Variants in GALNT2 observed in about 807,000 individuals in gnomAD.
GALNT2 encodes the protein UDP-GalNAc:polypeptide N-acetylgalactosaminyltransferase 2.
GALNT2 carries 31 observed loss-of-function variants against 81.4 expected under a neutral mutation model. That is an observed-to-expected ratio of 0.38 (90% CI 0.29 to 0.51). The LOEUF (loss-of-function observed/expected upper bound fraction) is 0.51. Among genes scored for constraint, GALNT2 ranks in the 20% least tolerant of loss-of-function variants. The pLI, the probability that GALNT2 is intolerant of heterozygous loss-of-function variation, is 0.87. For missense variants in GALNT2, 629 were observed against 765.7 expected, an observed-to-expected ratio of 0.82 and a Z score of 2.11; for synonymous variants, 303 against 287.4, an observed-to-expected ratio of 1.05 and a Z score of -0.55.
At chr1:230,267,828 T>A (rs947652609) in intron 14 of GALNT2, among the ~76,000 whole-genome samples, 3 of 152,138 alleles carry the variant, frequency 2.0e-5, no homozygotes, top group African/African-American at 7.2e-5. Context: ...TCCTTGTAGC[T>A]CCTCCATCCA....
intron 2 of GALNT2, among the ~76,000 whole-genome samples, chr1:230,201,820 T>TG (rs1476052297): frequency 6.6e-6 from 1 of 152,152 alleles, no homozygotes; most frequent in Non-Finnish European, 1.5e-5. Flanking sequence ...CCCGGAGAGT[T>TG]GCATGCCCAC....
chr1:230,117,448 TA>T (rs1309578143), intron 1 of GALNT2, among the ~76,000 whole-genome samples: 2 of 152,246 alleles, frequency 1.3e-5, no homozygotes, highest in Admixed American at 1.3e-4. Context: ...GCTTAATCAT[TA>T]TCAGCTTTTG....
chr1:230,199,024 G>A (rs376771389), intron 2 of GALNT2, among the ~76,000 whole-genome samples: 16 of 151,812 alleles, frequency 1.1e-4, no homozygotes, highest in Admixed American at 6.6e-4. Context: ...AGTATTTTCC[G>A]TCAGCTGCTT....
intron 2 of GALNT2, among the ~76,000 whole-genome samples, chr1:230,183,821 T>C (rs1663233068): frequency 1.3e-5 from 2 of 151,884 alleles, no homozygotes; most frequent in Admixed American, 1.3e-4. Context: ...CTACAAAAAA[T>C]ACAAAAATTA....
intron 6 of GALNT2, among the ~76,000 whole-genome samples, chr1:230,242,157 A>G (rs991972574): frequency 3.3e-5 from 5 of 152,182 alleles, no homozygotes; most frequent in Non-Finnish European, 7.3e-5. Flanking sequence ...CCGTATAAAC[A>G]CGGAGCTTAC....
At chr1:230,145,681 G>A (rs1276574255) in intron 1 of GALNT2, among the ~76,000 whole-genome samples, 2 of 152,236 alleles carry the variant, frequency 1.3e-5, no homozygotes, top group African/African-American at 4.8e-5. Context: ...TGGGGGCCTT[G>A]CCCCGTGTGG....
intron 1 of GALNT2, among the ~76,000 whole-genome samples, chr1:230,154,054 G>A (rs1662171517): frequency 6.6e-6 from 1 of 152,222 alleles, no homozygotes; most frequent in African/African-American, 2.4e-5. Flanking sequence ...TGTCAGATTA[G>A]CTTCTTGGGG....
chr1:230,253,341 T>C (rs1231336197), intron 10 of GALNT2, among the ~76,000 whole-genome samples: 1 of 152,182 alleles, frequency 6.6e-6, no homozygotes, highest in African/African-American at 2.4e-5. Flanking sequence ...TAGAAACTCA[T>C]GGTGTTCTGA....
chr1:230,213,683 AG>A lies in GALNT2; in HGVS notation c.374+10394del, dbSNP rs1216605347. On this transcript the variant is annotated intron_variant, in intron 3 of 15. Coordinates refer to ENST00000366672, the MANE Select transcript of GALNT2 (RefSeq NM_004481.5). Reference sequence around the variant, plus strand: ...AACATCTCACTGGTTGTGTTCTCTTAGTTCCACCTGCTTTGTGTTTCTTTTT... The same window carrying A: ...AACATCTCACTGGTTGTGTTCTCTTATTCCACCTGCTTTGTGTTTCTTTTT... 5.9e-5 allele frequency among the ~76,000 whole-genome samples: 9 copies of A among 152,334 alleles called. No homozygotes were observed. In the East Asian group the frequency reaches 7.7e-4, roughly 13 times the overall value.
rs187936132 is a variant in GALNT2 at position 230,076,416 on chromosome 1, G to A, written c.126+9010G>A. Among the ~76,000 whole-genome samples the A allele has an allele frequency of 2.1e-4, 32 of 152,262 alleles. No individual in the cohort carries two copies. In the East Asian group the frequency reaches 3.3e-3, roughly 16 times the overall value. On this transcript the variant is annotated intron_variant, in intron 1 of 15. Coordinates refer to ENST00000366672, the MANE Select transcript of GALNT2 (RefSeq NM_004481.5). Reference sequence around the variant, plus strand: ...GCACCTTTTCCAGCACAGGATTTCCGCTGTGATGTGATCTTTGGGAGTTGC... The same window carrying A: ...GCACCTTTTCCAGCACAGGATTTCCACTGTGATGTGATCTTTGGGAGTTGC...
At chr1:230,216,842 T>A (rs1310621096) in intron 3 of GALNT2, among the ~76,000 whole-genome samples, 1 of 152,210 alleles carries the variant, frequency 6.6e-6, no homozygotes, top group Non-Finnish European at 1.5e-5. Flanking sequence ...CTTAACTATA[T>A]TGAATAAGCC....
In GALNT2 at chr1:230,281,308, T is replaced by TTC. The variant is rs1376280731; in HGVS notation, c.*1851_*1852insCT. ...CTCCCCTGCCATGCAACCAGATGTG[T>TTC]TGTGAGTGGGCAGCGTGCCCCCACG... is the stretch of plus-strand genomic sequence containing the variant. On this transcript the variant is annotated 3_prime_UTR_variant, in exon 16 of 16. Coordinates refer to ENST00000366672, the MANE Select transcript of GALNT2 (RefSeq NM_004481.5). 2.6e-5 allele frequency: 4 copies of TTC among 152,070 alleles called. No individual in the cohort carries two copies. The highest frequency in any genetic ancestry group is 9.7e-5 in the African/African-American group (4 of 41,330). 9.4% of individuals were successfully genotyped at this position (152,070 alleles called of 1,614,324 possible).
upstream of GALNT2, among the ~76,000 whole-genome samples, chr1:230,064,018 T>A (rs1659108355): frequency 6.6e-6 from 1 of 152,260 alleles, no homozygotes; most frequent in Non-Finnish European, 1.5e-5. Flanking sequence ...TATTCTTTGC[T>A]ATTTTTAGAA....
chr1:230,178,421 C>T, intron 2 of GALNT2, 110 bp downstream of exon 2: 2 of 723,866 alleles, frequency 2.8e-6, no homozygotes, highest in South Asian at 3.9e-5. Flanking sequence ...TTCCATAGGT[C>T]AGCAGGAGAC....
chr1:230,080,548 G>A (rs1659695659), intron 1 of GALNT2, among the ~76,000 whole-genome samples: 1 of 152,186 alleles, frequency 6.6e-6, no homozygotes. Flanking sequence ...AGTTTTGCCT[G>A]TTTCTGGCCC....
intron 1 of GALNT2, among the ~76,000 whole-genome samples, chr1:230,112,113 C>T (rs1337166207): frequency 6.6e-6 from 1 of 152,182 alleles, no homozygotes; most frequent in East Asian, 1.9e-4. Context: ...CAGCCCAGTC[C>T]ATGGTGGCCA....
intron 1 of GALNT2, among the ~76,000 whole-genome samples, chr1:230,160,807 C>T (rs12028264): frequency 3.9e-5 from 6 of 152,110 alleles, no homozygotes; most frequent in East Asian, 1.9e-4. Flanking sequence ...CCTGTGGATG[C>T]GCAGGCTCTC....
chr1:230,133,097 T>A (rs1350974597), intron 1 of GALNT2, among the ~76,000 whole-genome samples: 1 of 152,234 alleles, frequency 6.6e-6, no homozygotes, highest in African/African-American at 2.4e-5. Flanking sequence ...AACACTATAT[T>A]GTATTTTTAC....
chr1:230,255,131 G>T, intron 10 of GALNT2, 87 bp from the exon 11 acceptor site: 1 of 1,594,050 alleles, frequency 6.3e-7, no homozygotes, highest in Non-Finnish European at 8.6e-7. Flanking sequence ...GATGGTCAGG[G>T]GGCCTCTGTA....
Sources: gnomAD v4.1 joint callset for allele counts (sites outside exome capture counted in the v4.1 genomes callset) on GRCh38, gnomAD v4.1.1 for gene constraint, MANE v1.5 for transcripts, NCBI Gene and HGNC (gene_info 2026-07-23, HGNC 2026-07-21) for gene names.